Variants in OTOG observed in about 807,000 individuals in gnomAD.
OTOG encodes the protein otogelin.
Under a neutral mutation model 313.8 loss-of-function variants are expected in OTOG, and 296 were observed. The ratio of observed to expected loss-of-function variants is 0.94; its 90% CI spans 0.86 to 1.04. OTOG has a LOEUF of 1.04. OTOG is among the 50% of genes least tolerant of loss of function. OTOG has a pLI of 0.00. For missense variants in OTOG, 3,948 were observed against 3,840.1 expected, an observed-to-expected ratio of 1.03 and a Z score of -0.74; for synonymous variants, 1,533 against 1,554.9, an observed-to-expected ratio of 0.99 and a Z score of 0.33.
Position 17,573,111 on chromosome 11 carries a change from C to CG in OTOG, c.2119dup (p.Glu707GlyfsTer17), listed in dbSNP as rs778222536. On this transcript the variant is annotated frameshift_variant, in exon 19 of 56. Transcript: ENST00000399397. LOFTEE classifies it high-confidence loss of function. ...TCAGTGCAGGCCTGCAGCGTGCTCA[C>CG]GGGGGAGATGTTTGCGCCCTGCTCT... 1 of 1,548,238 alleles carries CG rather than the reference C, an allele frequency of 6.5e-7. No individual in the cohort carries two copies. The highest frequency in any genetic ancestry group is 8.7e-7 in the Non-Finnish European group (1 of 1,146,966).
At chr11:17,595,147 G>T (rs1439855351) in intron 28 of OTOG, among the ~76,000 whole-genome samples, 1 of 152,162 alleles carries the variant, frequency 6.6e-6, no homozygotes, top group Non-Finnish European at 1.5e-5. Flanking sequence ...TCCAGGTGGG[G>T]CAGGGCTGTT....
At chr11:17,606,532 G>A (rs1428713149) in intron 33 of OTOG, among the ~76,000 whole-genome samples, 1 of 152,224 alleles carries the variant, frequency 6.6e-6, no homozygotes, top group Non-Finnish European at 1.5e-5. Flanking sequence ...AAGGGGGATA[G>A]GTCTGGGGGC....
chr11:17,557,546 T>A (rs1852082576), intron 8 of OTOG, among the ~76,000 whole-genome samples: 1 of 152,182 alleles, frequency 6.6e-6, no homozygotes, highest in Non-Finnish European at 1.5e-5. Flanking sequence ...ATAGTCATGA[T>A]AAGAATTCCC....
In OTOG at chr11:17,635,068, C is replaced by G. The variant is rs1280193879; in HGVS notation, c.7586-12C>G. On this transcript the variant is annotated splice_polypyrimidine_tract_variant and intron_variant, in intron 45 of 55. Transcript: ENST00000399397. ...TTCCTCTCCCAGCACCTAAATTCAG[C>G]CTTTTCCCCAGAGTGTGACCCAGAT... The G allele has an allele frequency of 1.3e-6, 2 of 1,544,182 alleles. No homozygotes were observed. Among genetic ancestry groups the G allele is most frequent in the African/African-American group, 2.7e-5 (2 of 72,896 alleles).
intron 34 of OTOG, 127 bp downstream of exon 34, chr11:17,608,540 G>C: frequency 3.2e-6 from 2 of 624,608 alleles, no homozygotes; most frequent in Non-Finnish European, 5.2e-6. Flanking sequence ...CACGGTAACT[G>C]TGTCTTTCCG....
intron 23 of OTOG, 33 bp downstream of exon 23, chr11:17,578,559 C>T: frequency 1.3e-6 from 2 of 1,493,636 alleles, no homozygotes; most frequent in South Asian, 1.3e-5. Context: ...GCCCGTGATC[C>T]TGAAGGCTGG....
At position 17,593,877 on chromosome 11, in the gene OTOG, G is replaced by T. The variant is rs875695; in HGVS notation, c.3288+121G>T. On this transcript the variant is annotated intron_variant, in intron 27 of 55. Transcript: ENST00000399397. ...AGAGCATGCCTCTGTTCTCTCCTCC[G>T]CCCTGCTCTGGGCCCCTTCTCCTCT... is the stretch of plus-strand genomic sequence containing the variant. The T allele has an allele frequency of 2.8e-6, 4 of 1,414,098 alleles. No individual in the cohort carries two copies. The South Asian group carries it at 5.5e-5, about 19-fold the overall frequency. The allele number at this position is 1,414,098 out of a possible 1,614,324, so 87.6% of individuals were successfully genotyped here. A position where few individuals can be genotyped will look rare whatever the true frequency, so the allele number is the denominator to read the frequency against.
In OTOG at chr11:17,558,104, C is replaced by T. The variant is rs74446703; in HGVS notation, c.866-81C>T. 1.4e-3 allele frequency: 2,028 copies of T among 1,489,458 alleles called. 32 individuals carry two copies. In the African/African-American group the frequency reaches 0.024, roughly 18 times the overall value. 92.3% of individuals were successfully genotyped at this position (1,489,458 alleles called of 1,614,324 possible). ...AACTCCTTACCCATCCCTTGGGATC[C>T]GCTTTCCCTCAGAGCCTTCTGTCCC... is the stretch of plus-strand genomic sequence containing the variant. On this transcript the variant is annotated intron_variant, in intron 8 of 55. Coordinates refer to ENST00000399397, the MANE Select transcript of OTOG (RefSeq NM_001292063.2).
chr11:17,580,548 G>A (rs1852642784), intron 23 of OTOG, among the ~76,000 whole-genome samples: 1 of 152,234 alleles, frequency 6.6e-6, no homozygotes, highest in Non-Finnish European at 1.5e-5. Flanking sequence ...TCCCCATGAT[G>A]GGCACACAGC....
At chr11:17,551,884 C>G (rs1851942099) in intron 3 of OTOG, 116 bp from the exon 4 acceptor site, 10 of 874,438 alleles carry the variant, frequency 1.1e-5, no homozygotes, top group Non-Finnish European at 1.8e-5. Flanking sequence ...CACTGAGGGG[C>G]AGGGGCTCCT....
At position 17,630,058 on chromosome 11, in the gene OTOG, C is replaced by T. The variant is rs113248229; in HGVS notation, c.6712+742C>T. Reference sequence around the variant, plus strand: ...TCATTCACACATTCCCATTCATGCCCCTCTGCATCCAAATTCCCTCTACAC... The same window carrying T: ...TCATTCACACATTCCCATTCATGCCTCTCTGCATCCAAATTCCCTCTACAC... On this transcript the variant is annotated intron_variant, in intron 40 of 55. Transcript: ENST00000399397. 2.9e-4 allele frequency among the ~76,000 whole-genome samples: 44 copies of T among 152,254 alleles called. No homozygotes were observed. The South Asian group carries it at 7.3e-3, about 25-fold the overall frequency.
chr11:17,645,354 A>G (rs1012973632), intron 54 of OTOG, among the ~76,000 whole-genome samples: 1 of 152,098 alleles, frequency 6.6e-6, no homozygotes, highest in African/African-American at 2.4e-5. Context: ...ACTTGCTCAC[A>G]CTGCTCTGTT....
chr11:17,638,303 C>A, intron 47 of OTOG, 148 bp from the exon 48 acceptor site: 1 of 678,672 alleles, frequency 1.5e-6, no homozygotes. Flanking sequence ...ACTTCGGGTG[C>A]CCAGACTCTT....
chr11:17,569,110 G>A (rs1852351359), intron 15 of OTOG, 46 bp from the exon 16 acceptor site: 1 of 1,548,688 alleles, frequency 6.5e-7, no homozygotes, highest in Non-Finnish European at 8.7e-7. Context: ...GTATCCAGCA[G>A]GAGGGTCAGA....
Position 17,609,700 on chromosome 11 carries a change from AG to A in OTOG, c.4401del (p.Thr1468ProfsTer42). The A allele has an allele frequency of 6.6e-7, 1 of 1,522,182 alleles. No homozygotes were observed. Among genetic ancestry groups the A allele is most frequent in the Non-Finnish European group, 8.8e-7 (1 of 1,132,534 alleles). The allele number at this position is 1,522,182 out of a possible 1,614,324, so 94.3% of individuals were successfully genotyped here. On this transcript the variant is annotated frameshift_variant, in exon 36 of 56. Coordinates refer to ENST00000399397, the MANE Select transcript of OTOG (RefSeq NM_001292063.2). LOFTEE classifies it high-confidence loss of function. ...VWVPTEALGN[E>X]TLPPSQGLPT... ...GTTCCCACAGAGGCCCTTGGCAATG[AG>A]ACCCTCCCTCCCAGTCAAGGGTTGC...
At chr11:17,644,612 A>G (rs1590064934) in intron 54 of OTOG, among the ~76,000 whole-genome samples, 1 of 152,336 alleles carries the variant, frequency 6.6e-6, no homozygotes, top group East Asian at 1.9e-4. Context: ...GTGGGGCCTG[A>G]CTTATGCAAT....
Position 17,603,332 on chromosome 11 carries a change from G to C in OTOG, c.3877+955G>C, listed in dbSNP as rs117230477. The stretch of plus-strand genomic sequence containing the variant: ...TCCCCAGATCCATGCATTCCTGCCT[G>C]ACGAAGGGTGTCTCACCACCTTCCA... On this transcript the variant is annotated intron_variant, in intron 32 of 55. Coordinates refer to ENST00000399397, the MANE Select transcript of OTOG (RefSeq NM_001292063.2). 4.7e-3 allele frequency among the ~76,000 whole-genome samples: 722 copies of C among 152,276 alleles called. 22 individuals are homozygous for C. The East Asian group carries it at 0.079, about 17-fold the overall frequency.
chr11:17,573,585 C>T (rs1325388847), intron 19 of OTOG, among the ~76,000 whole-genome samples: 1 of 152,198 alleles, frequency 6.6e-6, no homozygotes, highest in Non-Finnish European at 1.5e-5. Flanking sequence ...TTCTTACCAC[C>T]TCCGCCACCC....
At chr11:17,627,973 A>G (rs1217116035) in intron 39 of OTOG, among the ~76,000 whole-genome samples, 1 of 151,012 alleles carries the variant, frequency 6.6e-6, no homozygotes, top group Admixed American at 6.6e-5. Flanking sequence ...CTTTTTTCTT[A>G]GTTAGGCTAA....
Sources: gnomAD v4.1 joint callset for allele counts (sites outside exome capture counted in the v4.1 genomes callset) on GRCh38, gnomAD v4.1.1 for gene constraint, MANE v1.5 for transcripts, NCBI Gene and HGNC (gene_info 2026-07-23, HGNC 2026-07-21) for gene names.